LHFPL2: variants seen among roughly 807,000 people sequenced by gnomAD.
LHFPL2 encodes the protein LHFPL tetraspan subfamily member 2.
Under a neutral mutation model 17.5 loss-of-function variants are expected in LHFPL2, and 7 were observed. The observed-to-expected ratio is 0.40, with a 90% confidence interval of 0.23 to 0.75. LHFPL2 has a LOEUF of 0.75. Among genes scored for constraint, LHFPL2 ranks in the 30% least tolerant of loss-of-function variants. LHFPL2 has a pLI of 0.37. For synonymous variants in LHFPL2, 134 were observed against 116.2 expected, an observed-to-expected ratio of 1.15 and a Z score of -0.99; for missense variants, 241 against 294.8, an observed-to-expected ratio of 0.82 and a Z score of 1.34.
intron 1 of LHFPL2, among the ~76,000 whole-genome samples, chr5:78,639,344 C>A (rs1280888183): frequency 6.6e-6 from 1 of 152,146 alleles, no homozygotes. Flanking sequence ...AACAAACAAA[C>A]AAACAAACAA....
intron 1 of LHFPL2, 145 bp from the exon 2 acceptor site, chr5:78,632,513 G>C (rs748369736): frequency 6.6e-6 from 1 of 152,226 alleles, no homozygotes; most frequent in Non-Finnish European, 1.5e-5. Context: ...CCAAGGGGCT[G>C]GATCAAACAG....
intron 2 of LHFPL2, among the ~76,000 whole-genome samples, chr5:78,610,483 G>T (rs1744380867): frequency 6.6e-6 from 1 of 152,224 alleles, no homozygotes; most frequent in African/African-American, 2.4e-5. Flanking sequence ...CCACTCGGAA[G>T]CCAAGGGCCT....
chr5:78,607,982 C>T (rs1744287979), intron 2 of LHFPL2, among the ~76,000 whole-genome samples: 1 of 152,100 alleles, frequency 6.6e-6, no homozygotes. Context: ...ATATCCTTAC[C>T]ATTAGATGAA....
intron 3 of LHFPL2, among the ~76,000 whole-genome samples, chr5:78,563,761 C>T (rs898202668): frequency 5.9e-5 from 9 of 151,554 alleles, no homozygotes; most frequent in Non-Finnish European, 4.4e-5. Flanking sequence ...CTGCTCAGGA[C>T]ACCATCTGTC....
intron 3 of LHFPL2, among the ~76,000 whole-genome samples, chr5:78,530,827 G>T (rs1351193162): frequency 1.3e-5 from 2 of 152,172 alleles, no homozygotes; most frequent in African/African-American, 4.8e-5. Context: ...GTATTGGGTG[G>T]CAGAAAGAAT....
At chr5:78,588,157 G>A (rs1249096871) in intron 2 of LHFPL2, among the ~76,000 whole-genome samples, 1 of 152,174 alleles carries the variant, frequency 6.6e-6, no homozygotes, top group Non-Finnish European at 1.5e-5. Context: ...AACTTCCTGT[G>A]TCTGTTCCAT....
intron 3 of LHFPL2, among the ~76,000 whole-genome samples, chr5:78,547,056 G>A (rs980191959): frequency 6.6e-6 from 1 of 151,466 alleles, no homozygotes; most frequent in Non-Finnish European, 1.5e-5. Flanking sequence ...GGTCCCCTTG[G>A]CCCCCATCAC....
intron 2 of LHFPL2, among the ~76,000 whole-genome samples, chr5:78,605,675 G>A (rs555313065): frequency 6.6e-6 from 1 of 152,124 alleles, no homozygotes; most frequent in South Asian, 2.1e-4. Context: ...AATTCTTACT[G>A]AGCCACTTTC....
At chr5:78,615,209 G>A (rs753645512) in intron 2 of LHFPL2, among the ~76,000 whole-genome samples, 69 of 152,242 alleles carry the variant, frequency 4.5e-4, no homozygotes, top group Non-Finnish European at 3.7e-4. Context: ...TGGAGTGTGG[G>A]GAAGGGAGAG....
intron 2 of LHFPL2, among the ~76,000 whole-genome samples, chr5:78,567,109 G>A (rs1354926680): frequency 3.3e-5 from 5 of 152,116 alleles, no homozygotes; most frequent in African/African-American, 9.7e-5. Context: ...TAACAGTAAC[G>A]GAAAAGGCAG....
chr5:78,546,877 T>C (rs1208293454), intron 3 of LHFPL2, among the ~76,000 whole-genome samples: 1 of 152,224 alleles, frequency 6.6e-6, no homozygotes, highest in Non-Finnish European at 1.5e-5. Flanking sequence ...GGTTTCTCTC[T>C]GTTTGTTTTT....
chr5:78,523,688 C>T (rs1288520135), intron 3 of LHFPL2, among the ~76,000 whole-genome samples: 1 of 152,086 alleles, frequency 6.6e-6, no homozygotes, highest in Admixed American at 6.6e-5. Flanking sequence ...CAAACATTTC[C>T]CCCTAAAAAG....
At chr5:78,647,995 T>C (rs1191723478) in intron 1 of LHFPL2, among the ~76,000 whole-genome samples, 1 of 152,022 alleles carries the variant, frequency 6.6e-6, no homozygotes, top group African/African-American at 2.4e-5. Context: ...CCCACAAAAA[T>C]GCAGTCCAGA....
Position 78,485,842 on chromosome 5 carries a change from C to CG in LHFPL2, c.*3054dup, listed in dbSNP as rs1754220222. ...GGGCTTAACTTTGACATAACACTAG[C>CG]GATTATTTTAGACCCAGGAAAAAAT... On this transcript the variant is annotated 3_prime_UTR_variant, in exon 5 of 5. Transcript: ENST00000380345. The CG allele has an allele frequency of 1.3e-5, 2 of 152,530 alleles. No individual in the cohort carries two copies. The highest frequency in any genetic ancestry group is 4.8e-5 in the African/African-American group (2 of 41,390). 9.4% of individuals were successfully genotyped at this position (152,530 alleles called of 1,614,324 possible). A position where few individuals can be genotyped will look rare whatever the true frequency, so the allele number is the denominator to read the frequency against.
chr5:78,496,119 A>T (rs774031022), intron 4 of LHFPL2, among the ~76,000 whole-genome samples: 26 of 152,136 alleles, frequency 1.7e-4, no homozygotes, highest in Non-Finnish European at 3.4e-4. Flanking sequence ...CACTTTTAAA[A>T]ATTTATTCAA....
intron 3 of LHFPL2, among the ~76,000 whole-genome samples, chr5:78,543,516 T>G (rs1215417385): frequency 2.0e-5 from 3 of 152,138 alleles, no homozygotes; most frequent in Non-Finnish European, 2.9e-5. Flanking sequence ...TCTCCCTCAC[T>G]GCCCCTCTGA....
intron 3 of LHFPL2, among the ~76,000 whole-genome samples, chr5:78,513,326 A>G (rs16875563): frequency 0.27 from 41,242 of 152,082 alleles, 5,849 homozygotes; most frequent in East Asian, 0.47. Context: ...CCACATGCTT[A>G]AGTAAAAATA....
At chr5:78,570,623 G>GTATATATATAGTATATATATATATACGTA (rs1756972726) in intron 2 of LHFPL2, among the ~76,000 whole-genome samples, 1 of 145,686 alleles carries the variant, frequency 6.9e-6, no homozygotes, top group Non-Finnish European at 1.5e-5. Flanking sequence ...ATATATATAC[G>GTATATATATAGTATATATATATATACGTA]TATATATATA....
At chr5:78,490,617 G>GCA (rs1324536066) in intron 4 of LHFPL2, among the ~76,000 whole-genome samples, 1 of 151,672 alleles carries the variant, frequency 6.6e-6, no homozygotes, top group Non-Finnish European at 1.5e-5. Flanking sequence ...GGGCGTGGTG[G>GCA]CACACCTGTA....
Sources: allele counts gnomAD v4.1 joint callset (sites outside exome capture counted in the v4.1 genomes callset), GRCh38; gene constraint gnomAD v4.1.1; transcripts MANE v1.5; gene names NCBI Gene and HGNC (gene_info 2026-07-23, HGNC 2026-07-21).